The following NAT10 variants were observed in gnomAD, a reference collection of about 807,000 sequenced individuals.
The protein encoded by NAT10 is N-acetyltransferase 10.
Under a neutral mutation model 132.2 loss-of-function variants are expected in NAT10, and 109 were observed. The observed-to-expected ratio is 0.82, with a 90% CI of 0.71 to 0.97. The LOEUF is 0.97. Ranked by LOEUF, NAT10 falls within the 50% of genes least tolerant of loss-of-function variation. The pLI is 0.00. For missense variants in NAT10, 1,184 were observed against 1,263.4 expected, an observed-to-expected ratio of 0.94 and a Z score of 0.95; for synonymous variants, 479 against 478.0, an observed-to-expected ratio of 1.00 and a Z score of -0.03.
At chr11:34,134,250 C>A in intron 16 of NAT10, 69 bp from the exon 17 acceptor site, 1 of 1,340,518 alleles carries the variant, frequency 7.5e-7, no homozygotes, top group South Asian at 1.2e-5. Flanking sequence ...GAGAAACAAG[C>A]TATATTCTGT....
chr11:34,129,390 C>T (rs1852059486), intron 12 of NAT10, among the ~76,000 whole-genome samples: 1 of 152,130 alleles, frequency 6.6e-6, no homozygotes, highest in South Asian at 2.1e-4. Flanking sequence ...ATGATATTAG[C>T]ATCTTTACAT....
chr11:34,118,559 G>C, intron 8 of NAT10, 56 bp downstream of exon 8: 1 of 1,451,264 alleles, frequency 6.9e-7, no homozygotes, highest in Non-Finnish European at 9.4e-7. Flanking sequence ...AGCATACGGA[G>C]CGTAACAGAA....
chr11:34,111,250 G>C (rs1851689209), intron 3 of NAT10, among the ~76,000 whole-genome samples: 1 of 152,210 alleles, frequency 6.6e-6, no homozygotes, highest in Admixed American at 6.5e-5. Flanking sequence ...ATGCCTGTTT[G>C]TAAGTCACGG....
At chr11:34,125,646 G>T (rs572008559) in intron 11 of NAT10, among the ~76,000 whole-genome samples, 1 of 152,292 alleles carries the variant, frequency 6.6e-6, no homozygotes, top group East Asian at 1.9e-4. Flanking sequence ...GCCCTGTTGA[G>T]GATGTACATT....
At chr11:34,136,491 T>G in intron 19 of NAT10, 151 bp from the exon 20 acceptor site, 1 of 794,204 alleles carries the variant, frequency 1.3e-6, no homozygotes, top group South Asian at 1.7e-5. Flanking sequence ...TTGACTCCGG[T>G]GTTCTCATAG....
chr11:34,112,707 C>T (rs997454217), intron 4 of NAT10, among the ~76,000 whole-genome samples: 1 of 152,192 alleles, frequency 6.6e-6, no homozygotes, highest in African/African-American at 2.4e-5. Context: ...CCTCACTTTA[C>T]CTCTCAGAGA....
chr11:34,128,362 CAA>C (rs914837839), intron 12 of NAT10, among the ~76,000 whole-genome samples: 14 of 67,166 alleles, frequency 2.1e-4, no homozygotes, highest in Admixed American at 2.9e-4. Context: ...AAAAACAAAA[CAA>C]AAAAAAAAAA....
intron 3 of NAT10, 27 bp downstream of exon 3, chr11:34,108,860 T>C: frequency 6.3e-7 from 1 of 1,578,748 alleles, no homozygotes; most frequent in African/African-American, 1.4e-5. Flanking sequence ...ATGTGTTTTA[T>C]CCAACTTACA....
chr11:34,129,776 CTT>C (rs1852072044), intron 12 of NAT10, among the ~76,000 whole-genome samples: 1 of 151,268 alleles, frequency 6.6e-6, no homozygotes, highest in Non-Finnish European at 1.5e-5. Context: ...GCCTGGCTAA[CTT>C]TTGTATTTTT....
intron 19 of NAT10, 79 bp from the exon 20 acceptor site, chr11:34,136,563 G>A: frequency 1.3e-6 from 2 of 1,569,610 alleles, no homozygotes; most frequent in African/African-American, 1.4e-5. Flanking sequence ...TAAGTCCAGA[G>A]TGCGCTGCGG....
chr11:34,121,376 G>A lies in NAT10; in HGVS notation c.781-1083G>A, dbSNP rs535460396. Among the ~76,000 whole-genome samples the A allele has an allele frequency of 8.5e-5, 13 of 152,200 alleles. No individual in the cohort carries two copies. In the South Asian group the frequency reaches 1.7e-3, roughly 19 times the overall value. On this transcript the variant is annotated intron_variant, in intron 8 of 28. Coordinates refer to ENST00000257829, the MANE Select transcript of NAT10 (RefSeq NM_024662.3). Reference sequence around the variant, plus strand: ...GGTAGGATTTTATATATGTTTTGGAGGTAACAGGATTCGCTGACGAATCAA... The same window carrying A: ...GGTAGGATTTTATATATGTTTTGGAAGTAACAGGATTCGCTGACGAATCAA...
intron 3 of NAT10, among the ~76,000 whole-genome samples, chr11:34,109,788 G>A (rs1179898275): frequency 1.3e-5 from 2 of 152,216 alleles, no homozygotes; most frequent in African/African-American, 2.4e-5. Context: ...TCCCAGCTCA[G>A]TTTGTCATCT....
chr11:34,141,321 TCACACACA>T (rs66674391), intron 25 of NAT10, 113 bp downstream of exon 25: 4 of 1,211,118 alleles, frequency 3.3e-6, no homozygotes, highest in African/African-American at 1.6e-5. Flanking sequence ...CTGCATCTCG[TCACACACA>T]CACACACACA....
intron 19 of NAT10, 102 bp downstream of exon 19, chr11:34,135,393 C>G (rs573953995): frequency 1.1e-5 from 10 of 876,938 alleles, no homozygotes; most frequent in Non-Finnish European, 1.9e-5. Flanking sequence ...CTTTGGACCC[C>G]TCTCTCATTT....
chr11:34,127,786 G>A (rs550852353), intron 12 of NAT10, among the ~76,000 whole-genome samples, 187 bp downstream of exon 12: 7 of 152,268 alleles, frequency 4.6e-5, no homozygotes, highest in Admixed American at 1.3e-4. Context: ...ACTGTTACAC[G>A]TCTCTGGCCC....
At position 34,133,008 on chromosome 11, in the gene NAT10, C is replaced by G; in HGVS notation, c.1618-18C>G. The G allele has an allele frequency of 1.3e-6, 2 of 1,596,774 alleles. No homozygotes were observed. The highest frequency in any genetic ancestry group is 2.2e-5 in the South Asian group (2 of 90,684). On this transcript the variant is annotated intron_variant, in intron 15 of 28. Transcript: ENST00000257829. ...AGAGGAAGAGTGCTTCTCACTGACC[C>G]GTGTTTGGCTTCCACAGAACTCTCC...
At chr11:34,140,358 G>T in intron 23 of NAT10, 42 bp from the exon 24 acceptor site, 2 of 1,580,634 alleles carry the variant, frequency 1.3e-6, no homozygotes, top group South Asian at 1.1e-5. Context: ...TCATGAGGGC[G>T]CCGGGTGACC....
chr11:34,129,684 TG>T (rs1345814049), intron 12 of NAT10, among the ~76,000 whole-genome samples: 1 of 141,978 alleles, frequency 7.0e-6, no homozygotes, highest in Non-Finnish European at 1.5e-5. Flanking sequence ...CTTGGCTCAC[TG>T]CAACCTTCAC....
Position 34,146,649 on chromosome 11 carries a change from A to T in NAT10, c.*457A>T, listed in dbSNP as rs1477221755. 5.2e-5 allele frequency: 8 copies of T among 155,276 alleles called. No homozygotes were observed. The highest frequency in any genetic ancestry group is 6.8e-3 in the Middle Eastern group (2 of 296). 9.6% of individuals were successfully genotyped at this position (155,276 alleles called of 1,614,324 possible). A position where few individuals can be genotyped will look rare whatever the true frequency, so the allele number is the denominator to read the frequency against. On this transcript the variant is annotated 3_prime_UTR_variant, in exon 29 of 29. Coordinates refer to ENST00000257829, the MANE Select transcript of NAT10 (RefSeq NM_024662.3). ...TTGTACCTGGAGCAGGAGGAACTCC[A>T]GTCCGTCCCGGCATCCATGGCAGCC...
Sources: allele counts gnomAD v4.1 joint callset (sites outside exome capture counted in the v4.1 genomes callset), GRCh38; gene constraint gnomAD v4.1.1; transcripts MANE v1.5; gene names NCBI Gene and HGNC (gene_info 2026-07-23, HGNC 2026-07-21).